TAS1R1: variants seen among roughly 807,000 people sequenced by gnomAD.
TAS1R1 encodes taste receptor type 1 member 1.
In TAS1R1, 31 loss-of-function variants were observed where a neutral mutation model predicts 45.8. That is an observed-to-expected ratio of 0.68 (90% CI 0.51 to 0.91). The LOEUF (loss-of-function observed/expected upper bound fraction) is 0.91. Among genes scored for constraint, TAS1R1 ranks in the 40% least tolerant of loss-of-function variants. TAS1R1 has a pLI of 0.00. For missense variants in TAS1R1, 1,051 were observed against 1,063.9 expected (o/e 0.99, Z 0.17); for synonymous variants, 437 against 448.4 (o/e 0.97, Z 0.32).
chr1:6,563,365 C>G (rs1000440758), intron 1 of TAS1R1, among the ~76,000 whole-genome samples: 1 of 152,060 alleles, frequency 6.6e-6, no homozygotes, highest in East Asian at 1.9e-4. Flanking sequence ...GCCACAGGGC[C>G]GTGAATGGGC....
chr1:6,567,638 G>A (rs1639899353), intron 1 of TAS1R1, among the ~76,000 whole-genome samples: 1 of 152,086 alleles, frequency 6.6e-6, no homozygotes, highest in Non-Finnish European at 1.5e-5. Context: ...ATTGATGGCA[G>A]TTTGGCAGTT....
chr1:6,560,986 C>CAA (rs35928406), intron 1 of TAS1R1, among the ~76,000 whole-genome samples: 82,589 of 92,846 alleles, frequency 0.89, 37,509 homozygotes, highest in South Asian at 0.96. Context: ...GACTCTGTCT[C>CAA]AAAAAAAAAA....
intron 3 of TAS1R1, 49 bp downstream of exon 3, chr1:6,575,441 T>C: frequency 6.6e-7 from 1 of 1,507,454 alleles, no homozygotes. Flanking sequence ...CAGCCAATCC[T>C]GAGATGAGCA....
intron 1 of TAS1R1, among the ~76,000 whole-genome samples, chr1:6,562,731 G>T (rs1639811283): frequency 6.6e-6 from 1 of 152,182 alleles, no homozygotes; most frequent in Non-Finnish European, 1.5e-5. Flanking sequence ...CAATTTTGGG[G>T]CTTAAGAAGA....
chr1:6,560,709 G>A lies in TAS1R1; in HGVS notation c.191+5145G>A, dbSNP rs567234540. On this transcript the variant is annotated intron_variant, in intron 1 of 5. Transcript: ENST00000333172. ...TAAAGAGGGGCAATGTTGGCCGGGC[G>A]TGGTGGCTCACGCCTGTAATCCCAG... is the stretch of plus-strand genomic sequence containing the variant. Among the ~76,000 whole-genome samples, 11 of 152,262 alleles carry A rather than the reference G, an allele frequency of 7.2e-5. No individual in the cohort carries two copies. In the East Asian group the frequency reaches 1.7e-3, roughly 24 times the overall value.
At chr1:6,575,482 C>A in intron 3 of TAS1R1, 90 bp downstream of exon 3, 1 of 1,376,694 alleles carries the variant, frequency 7.3e-7, no homozygotes, top group Non-Finnish European at 9.6e-7. Context: ...CTCTAAATGC[C>A]AAGGGGGATA....
Position 6,578,764 on chromosome 1 carries a change from T to C in TAS1R1, c.1706T>C (p.Val569Ala), listed in dbSNP as rs1557812661. ...FLALREHTSW[V>A]LLAANTLLLL... ...GCTTTGCGTGAGCACACCTCTTGGGTGCTGCTGGCAGCTAACACGCTGCTG... is the reference window on the plus strand; with the variant it reads ...GCTTTGCGTGAGCACACCTCTTGGGCGCTGCTGGCAGCTAACACGCTGCTG... Residue 569 changes from valine to alanine, a missense_variant, in exon 6 of 6, where the codon GTG becomes GCG. Transcript: ENST00000333172. 1 of 1,614,150 alleles carries C rather than the reference T, an allele frequency of 6.2e-7. No individual in the cohort carries two copies. Among genetic ancestry groups the C allele is most frequent in the African/African-American group, 1.3e-5 (1 of 75,078 alleles).
chr1:6,564,189 G>A lies in TAS1R1; in HGVS notation c.192-6720G>A, dbSNP rs376583023. ...AAGCATGTCCTGAGAGTTTGGCTGC[G>A]GTGGGGATTGTGAGGATGACTTGGA... On this transcript the variant is annotated intron_variant, in intron 1 of 5. Transcript: ENST00000333172. 4.3e-4 allele frequency among the ~76,000 whole-genome samples: 65 copies of A among 152,220 alleles called. 3 individuals carry two copies. The South Asian group carries it at 0.012, about 29-fold the overall frequency.
Position 6,558,249 on chromosome 1 carries a change from G to A in TAS1R1, c.191+2685G>A, listed in dbSNP as rs576874638. ...GACAGGGTCTCACTACATTGCCCAAGCTGGTCTCAAATTCTTGAGCTCAAG... is the reference window on the plus strand; with the variant it reads ...GACAGGGTCTCACTACATTGCCCAAACTGGTCTCAAATTCTTGAGCTCAAG... On this transcript the variant is annotated intron_variant, in intron 1 of 5. Coordinates refer to ENST00000333172, the MANE Select transcript of TAS1R1 (RefSeq NM_138697.4). Among the ~76,000 whole-genome samples, 4 of 151,976 alleles carry A rather than the reference G, an allele frequency of 2.6e-5. No individual in the cohort carries two copies. In the East Asian group the frequency reaches 7.8e-4, roughly 30 times the overall value.
At chr1:6,557,536 A>G (rs1490452317) in intron 1 of TAS1R1, among the ~76,000 whole-genome samples, 1 of 152,108 alleles carries the variant, frequency 6.6e-6, no homozygotes, top group Admixed American at 6.6e-5. Context: ...TTGAAGCTCA[A>G]GTGATTCTCC....
chr1:6,571,358 G>T (rs1640011312), intron 2 of TAS1R1, 143 bp downstream of exon 2: 1 of 868,790 alleles, frequency 1.2e-6, no homozygotes, highest in Non-Finnish European at 1.7e-6. Flanking sequence ...ACAAGTCAGG[G>T]GTCCCTGCCC....
In TAS1R1 at chr1:6,574,787, G is replaced by A. The variant is rs1290140699; in HGVS notation, c.655G>A (p.Asp219Asn). The change falls in exon 3 of 6, where the codon GAC becomes AAC. Residue 219 changes from aspartate to asparagine, a missense_variant. Transcript: ENST00000333172. The surrounding 1 kb of genome is among the most constrained non-coding windows in gnomAD (Gnocchi z 4.3). ...GATCTCTCTGGTTGGCAGCAGTGAC[G>A]ACTATGGGCAGCTAGGGGTGCAGGC... Reference protein sequence around the residue: ...TWISLVGSSDDYGQLGVQALE... With the variant: ...TWISLVGSSDNYGQLGVQALE... 7.4e-6 allele frequency: 12 copies of A among 1,614,138 alleles called. No homozygotes were observed. Among genetic ancestry groups the A allele is most frequent in the East Asian group, 6.7e-5 (3 of 44,900 alleles).
intron 3 of TAS1R1, 44 bp downstream of exon 3, chr1:6,575,436 A>T: frequency 6.6e-7 from 1 of 1,512,274 alleles, no homozygotes; most frequent in East Asian, 2.3e-5. Context: ...GAGAACAGCC[A>T]ATCCTGAGAT....
At chr1:6,567,252 C>T (rs1639889192) in intron 1 of TAS1R1, among the ~76,000 whole-genome samples, 1 of 152,050 alleles carries the variant, frequency 6.6e-6, no homozygotes. Flanking sequence ...GTAGGTGGCC[C>T]TGGTATTGAT....
At chr1:6,568,726 C>T (rs1639933460) in intron 1 of TAS1R1, among the ~76,000 whole-genome samples, 1 of 152,130 alleles carries the variant, frequency 6.6e-6, no homozygotes. Context: ...TGGGGAACAG[C>T]AGCAGCTCCT....
intron 1 of TAS1R1, among the ~76,000 whole-genome samples, chr1:6,558,923 G>C (rs183850746): frequency 9.6e-6 from 1 of 104,334 alleles, no homozygotes; most frequent in Non-Finnish European, 2.2e-5. Flanking sequence ...ATGGAGTCTC[G>C]CTCTGTCGCC....
intron 1 of TAS1R1, among the ~76,000 whole-genome samples, chr1:6,558,064 T>G (rs1452875368): frequency 6.7e-6 from 1 of 149,412 alleles, no homozygotes; most frequent in African/African-American, 2.5e-5. Flanking sequence ...GTTTTTTTTC[T>G]GAGACAGGGT....
chr1:6,566,461 A>T (rs1385837061), intron 1 of TAS1R1, among the ~76,000 whole-genome samples: 1 of 152,014 alleles, frequency 6.6e-6, no homozygotes, highest in African/African-American at 2.4e-5. Flanking sequence ...GAGCCATCTG[A>T]TTTTTTAATG....
At chr1:6,556,770 G>A (rs944642602) in intron 1 of TAS1R1, among the ~76,000 whole-genome samples, 3 of 151,886 alleles carry the variant, frequency 2.0e-5, no homozygotes, top group Admixed American at 6.6e-5. Flanking sequence ...CAGCACTTTG[G>A]GAGGCTGAGA....
Sources: allele counts gnomAD v4.1 joint callset (sites outside exome capture counted in the v4.1 genomes callset), GRCh38; gene constraint gnomAD v4.1.1; non-coding constraint Gnocchi (gnomAD v3.1); transcripts MANE v1.5; gene names NCBI Gene and HGNC (gene_info 2026-07-23, HGNC 2026-07-21).